The following PWWP3B variants were observed in gnomAD, a reference collection of about 807,000 sequenced individuals.
The protein encoded by PWWP3B is PWWP domain-containing DNA repair factor 3B.
A neutral mutation model predicts 15.7 loss-of-function variants in PWWP3B; 5 were observed. The ratio of observed to expected loss-of-function variants is 0.32; its 90% CI spans 0.17 to 0.67. PWWP3B has a LOEUF of 0.67. Ranked by LOEUF, PWWP3B falls within the 30% of genes least tolerant of loss-of-function variation. PWWP3B has a pLI of 0.74. For missense variants in PWWP3B, 519 were observed against 493.1 expected, an observed-to-expected ratio of 1.05 and a Z score of -0.50; for synonymous variants, 203 against 179.8, an observed-to-expected ratio of 1.13 and a Z score of -1.03.
intron 2 of PWWP3B, among the ~76,000 whole-genome samples, chrX:106,189,288 G>C (rs1195202114): frequency 9.0e-6 from 1 of 110,957 alleles, no homozygotes; most frequent in Non-Finnish European, 1.9e-5. Context: ...GTGCAGGTTT[G>C]TTACATATGT....
At chrX:106,176,497 T>G (rs1316032344) in intron 2 of PWWP3B, among the ~76,000 whole-genome samples, 2 of 111,830 alleles carry the variant, frequency 1.8e-5, no homozygotes, top group Non-Finnish European at 3.8e-5. Flanking sequence ...GAAGTAAATA[T>G]TAGGAGTGGG....
In PWWP3B at chrX:106,206,187, A is replaced by C. The variant is rs1246222252; in HGVS notation, c.755A>C (p.Lys252Thr). ...TCATCAGATATGCTCATTATGCCCA[A>C]AGCTTTGAAAGAAGAGAGCGAGGAT... ...PLSSDMLIMP[K>T]ALKEESEDTC... Residue 252 changes from lysine (K) to threonine (T), a missense_variant, in exon 4 of 4, where the codon AAA (lysine) becomes ACA (threonine). Transcript: ENST00000357175. The C allele has an allele frequency of 2.5e-6, 3 of 1,204,073 alleles. No homozygotes were observed. The highest frequency in any genetic ancestry group is 3.4e-6 in the Non-Finnish European group (3 of 892,341).
At chrX:106,195,414 C>A (rs1923315984) in intron 2 of PWWP3B, among the ~76,000 whole-genome samples, 1 of 111,360 alleles carries the variant, frequency 9.0e-6, no homozygotes, top group Non-Finnish European at 1.9e-5. Context: ...TTTGCCTAGA[C>A]CAAAATCTTA....
chrX:106,190,112 T>A (rs1922821820), intron 2 of PWWP3B, among the ~76,000 whole-genome samples: 1 of 111,345 alleles, frequency 9.0e-6, no homozygotes, highest in East Asian at 2.8e-4. Flanking sequence ...CCCTGAGGAA[T>A]CGCCACACTG....
chrX:106,192,275 T>C (rs1313726547), intron 2 of PWWP3B, among the ~76,000 whole-genome samples: 3 of 111,874 alleles, frequency 2.7e-5, no homozygotes, highest in Admixed American at 9.5e-5. Context: ...CTTGGGGGGA[T>C]GTATGTGTCG....
At chrX:106,178,433 A>G (rs1022339906) in intron 2 of PWWP3B, among the ~76,000 whole-genome samples, 1 of 112,566 alleles carries the variant, frequency 8.9e-6, no homozygotes, top group African/African-American at 3.2e-5. Context: ...TATGTCATTT[A>G]AACATAAAAG....
At position 106,206,725 on chromosome X, in the gene PWWP3B, T is replaced by C; in HGVS notation, c.1293T>C (p.Ser431=). The C allele has an allele frequency of 1.7e-6, 2 of 1,209,770 alleles. No homozygotes were observed. Among genetic ancestry groups the C allele is most frequent in the Non-Finnish European group, 2.2e-6 (2 of 894,656 alleles). ...TTTTTGTTGAGGCAAACATGAATTC[T>C]GAAAAGAAGGGCATTAGAGTAAATT... ...SVLFVEANMN[S]EKKGIRVNFR... Residue 431 remains serine, a synonymous_variant, in exon 4 of 4, where the codon TCT becomes TCC. Coordinates refer to ENST00000357175, the MANE Select transcript of PWWP3B (RefSeq NM_001171020.2).
intron 2 of PWWP3B, among the ~76,000 whole-genome samples, chrX:106,193,307 C>T (rs1923129120): frequency 1.8e-5 from 2 of 111,200 alleles, no homozygotes; most frequent in Admixed American, 1.9e-4. Context: ...CCTTCTTTGT[C>T]TCTTTTGATC....
At chrX:106,174,814 G>A (rs1289671375) in intron 2 of PWWP3B, among the ~76,000 whole-genome samples, 3 of 111,250 alleles carry the variant, frequency 2.7e-5, no homozygotes, top group Non-Finnish European at 5.7e-5. Context: ...TTGGGAGGCC[G>A]AGGCAGGCAG....
At chrX:106,180,599 A>C (rs1010579801) in intron 2 of PWWP3B, among the ~76,000 whole-genome samples, 1 of 112,016 alleles carries the variant, frequency 8.9e-6, no homozygotes, top group African/African-American at 3.2e-5. Context: ...CTACAGAAGA[A>C]GAAAACTCTT....
Position 106,206,188 on chromosome X carries a change from A to T in PWWP3B, c.756A>T (p.Lys252Asn), listed in dbSNP as rs1924007941. 1 of 1,204,441 alleles carries T rather than the reference A, an allele frequency of 8.3e-7. No individual in the cohort carries two copies. The highest frequency in any genetic ancestry group is 2.2e-5 in the Admixed American group (1 of 44,990). The change falls in exon 4 of 4, where the codon AAA becomes AAT. Residue 252 changes from lysine to asparagine, a missense_variant. By Grantham distance (94) the Lys-to-Asn change is moderately conservative. Coordinates refer to ENST00000357175, the MANE Select transcript of PWWP3B (RefSeq NM_001171020.2). The stretch of plus-strand genomic sequence containing the variant: ...CATCAGATATGCTCATTATGCCCAA[A>T]GCTTTGAAAGAAGAGAGCGAGGATA... ...PLSSDMLIMP[K>N]ALKEESEDTC... is the part of the protein sequence containing the mutation.
intron 2 of PWWP3B, among the ~76,000 whole-genome samples, chrX:106,198,191 C>A (rs1160237695): frequency 9.0e-6 from 1 of 111,260 alleles, no homozygotes; most frequent in African/African-American, 3.3e-5. Flanking sequence ...ATTCATATAA[C>A]CACCACCACA....
At chrX:106,199,797 A>G (rs1923592941) in intron 2 of PWWP3B, among the ~76,000 whole-genome samples, 1 of 111,472 alleles carries the variant, frequency 9.0e-6, no homozygotes, top group Admixed American at 9.6e-5. Flanking sequence ...CACCTTCAAT[A>G]CAACTGGTGT....
At chrX:106,196,956 G>A (rs961883151) in intron 2 of PWWP3B, among the ~76,000 whole-genome samples, 1 of 111,047 alleles carries the variant, frequency 9.0e-6, no homozygotes, top group Non-Finnish European at 1.9e-5. Flanking sequence ...TCATACTTGT[G>A]CCACCAGCAG....
intron 2 of PWWP3B, among the ~76,000 whole-genome samples, chrX:106,181,993 G>T (rs191278000): frequency 1.8e-5 from 2 of 112,109 alleles, no homozygotes; most frequent in African/African-American, 6.5e-5. Flanking sequence ...GAAAGTTGTT[G>T]TCTGATTTCA....
intron 1 of PWWP3B, among the ~76,000 whole-genome samples, chrX:106,169,032 TAAC>T (rs1213777139): frequency 8.9e-6 from 1 of 111,736 alleles, no homozygotes; most frequent in African/African-American, 3.3e-5. Flanking sequence ...TAAAAGATCA[TAAC>T]AATAACAGAC....
chrX:106,203,989 G>A lies in PWWP3B; in HGVS notation c.-396G>A, dbSNP rs1304525527. The stretch of plus-strand genomic sequence containing the variant: ...CCCTGCCTTCCTTTTGAACAGCATA[G>A]GTTAATATCAGAGAAGCACATGACC... On this transcript the variant is annotated 5_prime_UTR_variant, in exon 3 of 4. Coordinates refer to ENST00000357175, the MANE Select transcript of PWWP3B (RefSeq NM_001171020.2). 1 of 111,850 alleles carries A rather than the reference G, an allele frequency of 8.9e-6. No individual in the cohort carries two copies. The highest frequency in any genetic ancestry group is 1.9e-5 in the Non-Finnish European group (1 of 53,257). The allele number at this position is 111,850 out of a possible 1,213,427, so 9.2% of individuals were successfully genotyped here.
At chrX:106,181,260 G>A (rs910900957) in intron 2 of PWWP3B, among the ~76,000 whole-genome samples, 5 of 111,750 alleles carry the variant, frequency 4.5e-5, no homozygotes, top group African/African-American at 1.3e-4. Context: ...CTTCCACAGC[G>A]TGGAAGGGGA....
At chrX:106,169,926 T>C (rs1445992574) in intron 1 of PWWP3B, among the ~76,000 whole-genome samples, 1 of 112,026 alleles carries the variant, frequency 8.9e-6, no homozygotes, top group Non-Finnish European at 1.9e-5. Flanking sequence ...TACATGCTAC[T>C]TTATTAATTG....
Sources: allele counts gnomAD v4.1 joint callset (sites outside exome capture counted in the v4.1 genomes callset), GRCh38; gene constraint gnomAD v4.1.1; transcripts MANE v1.5; gene names NCBI Gene and HGNC (gene_info 2026-07-23, HGNC 2026-07-21).